Variants in NAALADL2 observed in about 807,000 individuals in gnomAD.
The protein encoded by NAALADL2 is N-acetylated alpha-linked acidic dipeptidase like 2, also known as inactive N-acetylated-alpha-linked acidic dipeptidase-like protein 2.
NAALADL2 carries 76 observed loss-of-function variants against 87.2 expected under a neutral mutation model. The ratio of observed to expected loss-of-function variants is 0.87; its 90% CI spans 0.72 to 1.05. The LOEUF (loss-of-function observed/expected upper bound fraction) is 1.05. Among genes scored for constraint, NAALADL2 ranks in the 50% least tolerant of loss-of-function variants. The pLI is 0.00. For missense variants in NAALADL2, 1,089 were observed against 945.8 expected (o/e 1.15, Z -1.99); for synonymous variants, 354 against 331.0 (o/e 1.07, Z -0.75).
chr3:175,631,796 T>G (rs150947907), intron 11 of NAALADL2, among the ~76,000 whole-genome samples: 1 of 151,996 alleles, frequency 6.6e-6, no homozygotes, highest in African/African-American at 2.4e-5. Flanking sequence ...TGTATTCATG[T>G]TTTTAAATAG....
chr3:175,469,682 A>G (rs1336631021), intron 8 of NAALADL2, among the ~76,000 whole-genome samples: 1 of 152,034 alleles, frequency 6.6e-6, no homozygotes, highest in African/African-American at 2.4e-5. Flanking sequence ...TATTATAGAT[A>G]TTGGAGTAAA....
intron 6 of NAALADL2, among the ~76,000 whole-genome samples, chr3:175,460,807 A>G (rs1020693939): frequency 6.6e-6 from 1 of 152,222 alleles, no homozygotes. Context: ...AGAGATGATC[A>G]TGTTCCCAAA....
At chr3:174,522,700 T>C (rs909393880) in intron 1 of NAALADL2, among the ~76,000 whole-genome samples, 1 of 151,742 alleles carries the variant, frequency 6.6e-6, no homozygotes, top group Admixed American at 6.6e-5. Flanking sequence ...TTTGAGAGGC[T>C]GAGGCGGGTG....
At chr3:175,370,455 T>C (rs987693227) in intron 5 of NAALADL2, among the ~76,000 whole-genome samples, 3 of 151,626 alleles carry the variant, frequency 2.0e-5, no homozygotes, top group Non-Finnish European at 4.4e-5. Flanking sequence ...TCTTATTCTG[T>C]AATGGTTAAA....
intron 4 of NAALADL2, among the ~76,000 whole-genome samples, chr3:175,300,051 G>T (rs1424369314): frequency 3.3e-5 from 5 of 152,128 alleles, no homozygotes; most frequent in African/African-American, 9.7e-5. Context: ...TAATCATGTG[G>T]TTTTTGTCAT....
chr3:174,592,649 T>G (rs1717492969), intron 2 of NAALADL2, among the ~76,000 whole-genome samples: 1 of 152,130 alleles, frequency 6.6e-6, no homozygotes. Flanking sequence ...AGAAATCGTT[T>G]TAGAACTGCA....
At chr3:175,198,899 G>C in intron 2 of NAALADL2, among the ~76,000 whole-genome samples, 1 of 151,594 alleles carries the variant, frequency 6.6e-6, no homozygotes, top group African/African-American at 2.4e-5. Context: ...GCATACCTTA[G>C]GCAAACTGAT....
chr3:174,696,155 G>A (rs1400023049), intron 2 of NAALADL2, among the ~76,000 whole-genome samples: 3 of 152,062 alleles, frequency 2.0e-5, no homozygotes, highest in Non-Finnish European at 4.4e-5. Context: ...GTAATGGGAA[G>A]TATTACATAG....
rs964119526 is a variant in NAALADL2, at chr3:174,746,227, C to T, written c.-9+8481C>T. ...TCCTTAAGCTGATAAGCAACTGCAA[C>T]AAAGTCTCAGGATACAAAATCAATG... On this transcript the variant is annotated intron_variant, in intron 3 of 3. Transcript: ENST00000434257. 9.9e-5 allele frequency among the ~76,000 whole-genome samples: 15 copies of T among 152,122 alleles called. No homozygotes were observed. The East Asian group carries it at 2.7e-3, about 27-fold the overall frequency.
intron 10 of NAALADL2, among the ~76,000 whole-genome samples, chr3:175,577,805 A>G (rs975914058): frequency 2.0e-5 from 3 of 152,126 alleles, no homozygotes; most frequent in African/African-American, 7.2e-5. Context: ...AGATGAAATA[A>G]TTTTTTTGAA....
chr3:174,574,677 T>C (rs1288369845), intron 2 of NAALADL2, among the ~76,000 whole-genome samples: 1 of 152,120 alleles, frequency 6.6e-6, no homozygotes, highest in East Asian at 1.9e-4. Context: ...CTCACTTCAT[T>C]AAGTTTTCTT....
At chr3:175,095,944 A>T (rs1721078656) in intron 1 of NAALADL2, among the ~76,000 whole-genome samples, 1 of 152,222 alleles carries the variant, frequency 6.6e-6, no homozygotes, top group East Asian at 1.9e-4. Context: ...TCCTAATACC[A>T]CTTGGCAGGA....
rs533557261 is a variant in NAALADL2 at position 175,258,442 on chromosome 3, T to G, written c.939+1912T>G. On this transcript the variant is annotated intron_variant, in intron 4 of 13. Transcript: ENST00000454872. ...CTGTGTGGGGTGGAGTGGTGGGAGC[T>G]AGAATACATCAATAGATAGAGAGAT... Among the ~76,000 whole-genome samples, 741 of 152,042 alleles carry G rather than the reference T, an allele frequency of 4.9e-3. 5 individuals carry two copies. Among genetic ancestry groups the G allele is most frequent in the African/African-American group, 0.017 (706 of 41,442 alleles).
chr3:175,199,850 ATATATATATATATATTTTTTTTTT>A (rs1257464067), intron 2 of NAALADL2, among the ~76,000 whole-genome samples: 4 of 17,788 alleles, frequency 2.2e-4, no homozygotes, highest in Admixed American at 7.8e-4. Context: ...ATATATATAT[ATATATATATATATATTTTTTTTTT>A]TTTTTTTTTT....
chr3:174,630,125 A>G (rs1721965354), intron 2 of NAALADL2, among the ~76,000 whole-genome samples: 1 of 152,168 alleles, frequency 6.6e-6, no homozygotes, highest in South Asian at 2.1e-4. Flanking sequence ...TAAACTGCAT[A>G]TTTCTGAAAC....
chr3:174,644,787 C>T (rs1392300059), intron 2 of NAALADL2, among the ~76,000 whole-genome samples: 1 of 152,196 alleles, frequency 6.6e-6, no homozygotes, highest in Non-Finnish European at 1.5e-5. Flanking sequence ...ATTTGTGCCT[C>T]TTCTCAAAGA....
intron 5 of NAALADL2, among the ~76,000 whole-genome samples, chr3:175,440,162 T>G (rs950431179): frequency 6.6e-6 from 1 of 152,064 alleles, no homozygotes; most frequent in African/African-American, 2.4e-5. Flanking sequence ...CACTTTTCGT[T>G]TTTGTTTTCT....
At chr3:175,509,482 T>C (rs538210084) in intron 9 of NAALADL2, among the ~76,000 whole-genome samples, 2 of 152,356 alleles carry the variant, frequency 1.3e-5, no homozygotes, top group African/African-American at 2.4e-5. Context: ...GTCTTCTCCT[T>C]CCACTAACAC....
chr3:174,695,777 A>G (rs1463120748), intron 2 of NAALADL2, among the ~76,000 whole-genome samples: 9 of 152,058 alleles, frequency 5.9e-5, no homozygotes, highest in Admixed American at 5.9e-4. Flanking sequence ...CCTACCATAT[A>G]TCACTTCTTA....
Sources: allele counts gnomAD v4.1 joint callset (sites outside exome capture counted in the v4.1 genomes callset), GRCh38; gene constraint gnomAD v4.1.1; transcripts MANE v1.5; gene names NCBI Gene and HGNC (gene_info 2026-07-23, HGNC 2026-07-21).